Variants in RPS6KC1 observed in about 807,000 individuals in gnomAD.
The protein encoded by RPS6KC1 is ribosomal protein S6 kinase C1.
A neutral mutation model predicts 103.8 loss-of-function variants in RPS6KC1; 54 were observed. The ratio of observed to expected loss-of-function variants is 0.52; its 90% CI spans 0.42 to 0.65. The LOEUF is 0.65. Ranked by LOEUF, RPS6KC1 falls within the 30% of genes least tolerant of loss-of-function variation. The pLI is 0.00. For synonymous variants in RPS6KC1, 439 were observed against 438.7 expected (o/e 1.00, Z -0.01); for missense variants, 1,151 against 1,253.8 (o/e 0.92, Z 1.24).
At chr1:213,693,990 G>C in the RPS6KC1 span, among the ~76,000 whole-genome samples, 2 of 152,204 alleles carry the variant, frequency 1.3e-5, no homozygotes, top group African/African-American at 2.4e-5. Flanking sequence ...TCTGCCTTGA[G>C]GCAATTTGAA....
the RPS6KC1 span, among the ~76,000 whole-genome samples, chr1:213,580,878 T>G: frequency 6.6e-6 from 1 of 152,208 alleles, no homozygotes; most frequent in Non-Finnish European, 1.5e-5. Flanking sequence ...GTCACTTTCA[T>G]ATGGACTGGA....
At chr1:213,804,858 A>T in the RPS6KC1 span, among the ~76,000 whole-genome samples, 5 of 152,218 alleles carry the variant, frequency 3.3e-5, no homozygotes, top group Non-Finnish European at 7.3e-5. Context: ...GTGAACAGAA[A>T]ATGTTTATTT....
chr1:213,697,609 G>A, the RPS6KC1 span, among the ~76,000 whole-genome samples: 1 of 152,208 alleles, frequency 6.6e-6, no homozygotes, highest in Non-Finnish European at 1.5e-5. Flanking sequence ...AGCCTTACCA[G>A]AGTTCAGAAG....
At chr1:213,171,278 G>A (rs2091455971) in intron 7 of RPS6KC1, among the ~76,000 whole-genome samples, 1 of 151,266 alleles carries the variant, frequency 6.6e-6, no homozygotes, top group African/African-American at 2.4e-5. Context: ...TTAGGAGCAG[G>A]TTTCACATAA....
the RPS6KC1 span, among the ~76,000 whole-genome samples, chr1:213,426,951 C>G: frequency 6.6e-6 from 1 of 152,142 alleles, no homozygotes; most frequent in African/African-American, 2.4e-5. Flanking sequence ...TAGCTCCTGT[C>G]TAATAGAACT....
At chr1:213,833,568 G>T in the RPS6KC1 span, among the ~76,000 whole-genome samples, 1 of 151,988 alleles carries the variant, frequency 6.6e-6, no homozygotes, top group Non-Finnish European at 1.5e-5. Flanking sequence ...CCACATCTTG[G>T]CTCTGGGATC....
the RPS6KC1 span, among the ~76,000 whole-genome samples, chr1:213,377,573 C>T: frequency 1.3e-5 from 2 of 152,200 alleles, no homozygotes. Flanking sequence ...GTGGCTCCAA[C>T]TGATGTTTTA....
chr1:213,656,614 T>C, the RPS6KC1 span, among the ~76,000 whole-genome samples: 1 of 152,176 alleles, frequency 6.6e-6, no homozygotes, highest in Non-Finnish European at 1.5e-5. Context: ...ATTTCACAGC[T>C]GATCAGTAGG....
the RPS6KC1 span, among the ~76,000 whole-genome samples, chr1:213,329,504 A>G: frequency 6.6e-6 from 1 of 152,028 alleles, no homozygotes; most frequent in Non-Finnish European, 1.5e-5. Context: ...GCAGGAAGCC[A>G]GCAGGCAGAA....
chr1:213,586,757 G>C, the RPS6KC1 span, among the ~76,000 whole-genome samples: 3 of 152,134 alleles, frequency 2.0e-5, no homozygotes, highest in Non-Finnish European at 4.4e-5. Flanking sequence ...AGGGACTTTG[G>C]TGCTAAGTGA....
At chr1:213,374,706 A>G in the RPS6KC1 span, among the ~76,000 whole-genome samples, 1 of 152,186 alleles carries the variant, frequency 6.6e-6, no homozygotes, top group Admixed American at 6.5e-5. Flanking sequence ...TTCTGTTGAG[A>G]TGTACAAATG....
At chr1:213,713,243 G>T in the RPS6KC1 span, among the ~76,000 whole-genome samples, 2 of 151,990 alleles carry the variant, frequency 1.3e-5, no homozygotes, top group South Asian at 4.1e-4. Context: ...CATTTTTGAT[G>T]TATAAAAGTT....
intron 8 of RPS6KC1, among the ~76,000 whole-genome samples, chr1:213,187,431 A>G (rs1214799148): frequency 6.6e-6 from 1 of 151,496 alleles, no homozygotes; most frequent in African/African-American, 2.4e-5. Context: ...TTTTTAGTAG[A>G]GACGGGGTTT....
At chr1:213,666,895 G>A in the RPS6KC1 span, among the ~76,000 whole-genome samples, 2 of 152,234 alleles carry the variant, frequency 1.3e-5, no homozygotes, top group South Asian at 2.1e-4. Flanking sequence ...GGAGAGGCAC[G>A]TGAGCTGGTT....
At chr1:213,071,918 A>C (rs921271293) in intron 2 of RPS6KC1, among the ~76,000 whole-genome samples, 2 of 151,900 alleles carry the variant, frequency 1.3e-5, no homozygotes, top group Non-Finnish European at 2.9e-5. Flanking sequence ...TTTTGCTTAA[A>C]ATTGTGGAAT....
chr1:213,363,611 TTG>T, the RPS6KC1 span, among the ~76,000 whole-genome samples: 1 of 76,778 alleles, frequency 1.3e-5, no homozygotes, highest in African/African-American at 5.2e-5. Flanking sequence ...GCTCGCTTGC[TTG>T]CTTGCTTGCT....
chr1:213,211,269 G>A lies in RPS6KC1; in HGVS notation c.1045-19228G>A, dbSNP rs148914621. 4.2e-3 allele frequency among the ~76,000 whole-genome samples: 638 copies of A among 152,256 alleles called. 2 individuals carry two copies. The highest frequency in any genetic ancestry group is 0.014 in the African/African-American group (602 of 41,550). ...GATTGAATGGCATGAGCCGAACTTG[G>A]GCCTATAAAACCAGAACTTTAGAGT... On this transcript the variant is annotated intron_variant, in intron 8 of 14. Transcript: ENST00000366960.
In RPS6KC1 at chr1:213,178,534, C is replaced by G. The variant is rs150698018; in HGVS notation, c.1044+2042C>G. 7.1e-3 allele frequency among the ~76,000 whole-genome samples: 1,080 copies of G among 151,590 alleles called. 14 individuals are homozygous for G. Among genetic ancestry groups the G allele is most frequent in the African/African-American group, 0.025 (1,023 of 41,314 alleles). On this transcript the variant is annotated intron_variant, in intron 8 of 14. Transcript: ENST00000366960. ...GCAGCCTGGGCGACAGACTGAGACT[C>G]TGTCTCAAAAAAACAAACAAACAAA...
At chr1:213,539,211 T>C in the RPS6KC1 span, among the ~76,000 whole-genome samples, 2 of 152,250 alleles carry the variant, frequency 1.3e-5, no homozygotes, top group South Asian at 2.1e-4. Context: ...TTCCTGGAGA[T>C]GGGCTACCCA....
Sources: gnomAD v4.1 joint callset for allele counts (sites outside exome capture counted in the v4.1 genomes callset) on GRCh38, gnomAD v4.1.1 for gene constraint, MANE v1.5 for transcripts, NCBI Gene and HGNC (gene_info 2026-07-23, HGNC 2026-07-21) for gene names.